Variants in VCP observed in about 807,000 individuals in gnomAD.
The protein encoded by VCP is transitional endoplasmic reticulum ATPase.
VCP carries 6 observed loss-of-function variants against 85.7 expected under a neutral mutation model. The ratio of observed to expected loss-of-function variants is 0.07; its 90% CI spans 0.04 to 0.14. The LOEUF is 0.14. Among genes scored for constraint, VCP ranks in the 10% least tolerant of loss-of-function variants. VCP has a pLI of 1.00. For missense variants in VCP, 353 were observed against 1,043.4 expected (o/e 0.34, Z 9.12); for synonymous variants, 384 against 367.1 (o/e 1.05, Z -0.53).
At position 35,061,162 on chromosome 9, in the gene VCP, G is replaced by A. The variant is rs761986024; in HGVS notation, c.1212C>T (p.His404=). Residue 404 remains histidine (H), a synonymous_variant, in exon 11 of 17, where the codon CAC becomes CAT. Coordinates refer to ENST00000358901, the MANE Select transcript of VCP (RefSeq NM_007126.5). ...CTGCTAAGTCAGCACCCACATGCCC[G>A]TGAGTCTCATTGGCTACCTGCAGAG... ...VDLEQVANET[H]GHVGADLAAL... 8 of 1,613,410 alleles carry A rather than the reference G, an allele frequency of 5.0e-6. No individual in the cohort carries two copies. In the Admixed American group the frequency reaches 6.7e-5, roughly 13 times the overall value.
Position 35,060,029 on chromosome 9 carries a change from G to A in VCP, c.1696-228C>T, listed in dbSNP as rs754125795. 6.0e-6 allele frequency: 4 copies of A among 665,172 alleles called. No individual in the cohort carries two copies. The African/African-American group carries it at 7.3e-5, about 12-fold the overall frequency. The allele number at this position is 665,172 out of a possible 1,614,324, so 41.2% of individuals were successfully genotyped here. ...TGCCTATAGTCCCAGCTACTCAGGAGGCTGAAGTAGGAGAATTGCTTAAGC... is the reference window on the plus strand; with the variant it reads ...TGCCTATAGTCCCAGCTACTCAGGAAGCTGAAGTAGGAGAATTGCTTAAGC... On this transcript the variant is annotated intron_variant, in intron 13 of 16. Transcript: ENST00000358901.
At chr9:35,062,191 CT>C (rs1266169089) in intron 8 of VCP, 25 bp downstream of exon 8, 1 of 1,614,150 alleles carries the variant, frequency 6.2e-7, no homozygotes. Context: ...TTCAACCCCC[CT>C]CTATCCCCTC....
Position 35,072,440 on chromosome 9 carries a change from G to A in VCP, c.-87C>T. Reference sequence around the variant, plus strand: ...CAAGCGACCGACTGGGCCGGGGCTCGGCTCTTCCAGGCGGTGGGCGAGCAG... The same window carrying A: ...CAAGCGACCGACTGGGCCGGGGCTCAGCTCTTCCAGGCGGTGGGCGAGCAG... On this transcript the variant is annotated 5_prime_UTR_variant, in exon 1 of 17. Coordinates refer to ENST00000358901, the MANE Select transcript of VCP (RefSeq NM_007126.5). 1.5e-6 allele frequency: 2 copies of A among 1,378,854 alleles called. No individual in the cohort carries two copies. Among genetic ancestry groups the A allele is most frequent in the Non-Finnish European group, 1.9e-6 (2 of 1,065,582 alleles). 85.4% of individuals were successfully genotyped at this position (1,378,854 alleles called of 1,614,324 possible).
At chr9:35,072,118 G>A (rs1338164914) in intron 1 of VCP, 3 of 1,363,956 alleles carry the variant, frequency 2.2e-6, no homozygotes, top group Admixed American at 3.9e-5. Context: ...CTCCGACCCG[G>A]ACCCAACGCA....
In VCP at chr9:35,064,299, A is replaced by C. The variant is rs771374170; in HGVS notation, c.577-14T>G. 1 of 1,613,848 alleles carries C rather than the reference A, an allele frequency of 6.2e-7. No homozygotes were observed. Among genetic ancestry groups the C allele is most frequent in the Non-Finnish European group, 8.5e-7 (1 of 1,179,988 alleles). On this transcript the variant is annotated splice_polypyrimidine_tract_variant and intron_variant, in intron 5 of 16. Coordinates refer to ENST00000358901, the MANE Select transcript of VCP (RefSeq NM_007126.5). ...CTCTTCCTCATCCTGAATATGGAGG[A>C]GATAAAGAAAGGAGAAGGCAAGAAT...
intron 1 of VCP, chr9:35,071,753 C>G: frequency 2.0e-6 from 2 of 989,780 alleles, no homozygotes; most frequent in South Asian, 9.0e-5. Flanking sequence ...CAGAGGATGC[C>G]CACCTCCGGC....
At chr9:35,071,697 A>G in intron 1 of VCP, 1 of 984,770 alleles carries the variant, frequency 1.0e-6, no homozygotes, top group Non-Finnish European at 1.2e-6. Flanking sequence ...AGCGAAAGGT[A>G]GGGCTCGCCC....
At chr9:35,062,584 C>A (rs144932462) in intron 7 of VCP, among the ~76,000 whole-genome samples, 157 of 152,270 alleles carry the variant, frequency 1.0e-3, no homozygotes, top group African/African-American at 3.6e-3. Flanking sequence ...GTAAAGGTGA[C>A]AGCAAATGCT....
chr9:35,065,443 C>G (rs1433127187), intron 4 of VCP, 62 bp from the exon 5 acceptor site: 1 of 1,609,988 alleles, frequency 6.2e-7, no homozygotes, highest in Non-Finnish European at 8.5e-7. Flanking sequence ...AGTGAGAACT[C>G]ATCAGACCCT....
intron 1 of VCP, chr9:35,071,925 G>T (rs1828956591): frequency 9.8e-7 from 1 of 1,021,326 alleles, no homozygotes; most frequent in Non-Finnish European, 1.2e-6. Context: ...CGCGGGGCCT[G>T]CTCTCTCCGG....
intron 1 of VCP, chr9:35,071,846 G>A (rs1280168745): frequency 1.0e-6 from 1 of 989,122 alleles, no homozygotes; most frequent in South Asian, 4.5e-5. Context: ...CCGCCTCGGT[G>A]GCAGAGCTCC....
At chr9:35,060,248 G>C (rs1205106313) in intron 13 of VCP, 65 bp downstream of exon 13, 4 of 1,548,126 alleles carry the variant, frequency 2.6e-6, no homozygotes, top group East Asian at 2.3e-5. Flanking sequence ...CCCTCTTAAA[G>C]AAAAACAGCC....
chr9:35,057,001 A>T lies in VCP; in HGVS notation c.*116T>A. 1 of 992,696 alleles carries T rather than the reference A, an allele frequency of 1.0e-6. No homozygotes were observed. The highest frequency in any genetic ancestry group is 1.6e-6 in the Non-Finnish European group (1 of 626,928). The allele number at this position is 992,696 out of a possible 1,614,324, so 61.5% of individuals were successfully genotyped here. A position where few individuals can be genotyped will look rare whatever the true frequency, so the allele number is the denominator to read the frequency against. Reference sequence around the variant, plus strand: ...GTCAGACTGTAGCTGAACTGTTCAGACTGGAGAATGGAGCAGGCTGTGGGC... The same window carrying T: ...GTCAGACTGTAGCTGAACTGTTCAGTCTGGAGAATGGAGCAGGCTGTGGGC... On this transcript the variant is annotated 3_prime_UTR_variant, in exon 17 of 17. Transcript: ENST00000358901.
intron 4 of VCP, among the ~76,000 whole-genome samples, chr9:35,065,905 C>T (rs1828819647): frequency 6.6e-6 from 1 of 152,150 alleles, no homozygotes; most frequent in African/African-American, 2.4e-5. Context: ...CACAGTGGCT[C>T]ACCTGAGGTC....
intron 13 of VCP, 71 bp downstream of exon 13, chr9:35,060,242 C>G (rs1183309004): frequency 2.0e-6 from 3 of 1,514,912 alleles, no homozygotes; most frequent in South Asian, 1.2e-5. Context: ...TTTCAACCCT[C>G]TTAAAGAAAA....
rs1828678826 is a variant in VCP at position 35,059,481 on chromosome 9, T to A, written c.2004+12A>T. On this transcript the variant is annotated intron_variant, in intron 14 of 16. Transcript: ENST00000358901. This position sits in a 1 kb window ranked among gnomAD's most constrained non-coding sequence, Gnocchi z 4.9. ...CATGCAAGTCTCCCACAGCCCATGA[T>A]CTTGCACCTGCCTTGGCAACTGGGG... The A allele has an allele frequency of 6.2e-7, 1 of 1,613,566 alleles. No homozygotes were observed. Among genetic ancestry groups the A allele is most frequent in the Admixed American group, 1.7e-5 (1 of 60,004 alleles).
In VCP at chr9:35,059,875, G is replaced by A. The variant is rs1828686892; in HGVS notation, c.1696-74C>T. On this transcript the variant is annotated intron_variant, in intron 13 of 16. Transcript: ENST00000358901. This position sits in a 1 kb window ranked among gnomAD's most constrained non-coding sequence, Gnocchi z 4.9. ...TAGGCAAACGTGGTGGCTCACACCTGTATTCCCAGCACTTTGGGAGGCCAA... is the reference window on the plus strand; with the variant it reads ...TAGGCAAACGTGGTGGCTCACACCTATATTCCCAGCACTTTGGGAGGCCAA... 1 of 1,595,386 alleles carries A rather than the reference G, an allele frequency of 6.3e-7. No individual in the cohort carries two copies. The highest frequency in any genetic ancestry group is 1.3e-5 in the African/African-American group (1 of 74,544).
intron 1 of VCP, 44 bp from the exon 2 acceptor site, chr9:35,068,406 G>C (rs377702365): frequency 6.6e-7 from 1 of 1,522,484 alleles, no homozygotes; most frequent in East Asian, 2.2e-5. Flanking sequence ...TGCCCCAAGC[G>C]CCTCGCCAGT....
intron 1 of VCP, among the ~76,000 whole-genome samples, chr9:35,069,049 C>T (rs558110524): frequency 2.6e-5 from 4 of 152,232 alleles, no homozygotes; most frequent in East Asian, 1.9e-4. Context: ...CTGGGGACAA[C>T]GAAGCAGAAT....
Sources: allele counts gnomAD v4.1 joint callset (sites outside exome capture counted in the v4.1 genomes callset), GRCh38; gene constraint gnomAD v4.1.1; non-coding constraint Gnocchi (gnomAD v3.1); transcripts MANE v1.5; gene names NCBI Gene and HGNC (gene_info 2026-07-23, HGNC 2026-07-21).